The following STPG2 variants were observed in gnomAD, a reference collection of about 807,000 sequenced individuals.
STPG2 encodes the protein sperm-tail PG-rich repeat-containing protein 2.
In STPG2, 56 loss-of-function variants were observed where a neutral mutation model predicts 54.2. That is an observed-to-expected ratio of 1.03 (90% CI 0.83 to 1.29). The LOEUF is 1.29. Ranked by LOEUF, STPG2 falls within the 50% of genes most tolerant of loss-of-function variation. STPG2 has a pLI of 0.00. For synonymous variants in STPG2, 200 were observed against 181.8 expected (o/e 1.10, Z -0.81); for missense variants, 596 against 544.9 (o/e 1.09, Z -0.93).
intron 10 of STPG2, among the ~76,000 whole-genome samples, chr4:97,565,428 T>C (rs1732402690): frequency 6.6e-6 from 1 of 152,232 alleles, no homozygotes; most frequent in Non-Finnish European, 1.5e-5. Flanking sequence ...CCTTCTTCTC[T>C]CAACTCGTCA....
At chr4:97,497,822 C>G (rs1730642516) in intron 4 of STPG2, among the ~76,000 whole-genome samples, 1 of 151,722 alleles carries the variant, frequency 6.6e-6, no homozygotes, top group South Asian at 2.1e-4. Flanking sequence ...ATTTTTCATC[C>G]TTTTTGTATC....
intron 4 of STPG2, among the ~76,000 whole-genome samples, chr4:97,512,739 G>A (rs911123040): frequency 4.6e-5 from 7 of 152,008 alleles, no homozygotes; most frequent in African/African-American, 1.2e-4. Context: ...AGGGCTTAGC[G>A]TACACCAGAC....
At chr4:98,141,723 G>C (rs2110174337) in intron 1 of STPG2, among the ~76,000 whole-genome samples, 1 of 152,254 alleles carries the variant, frequency 6.6e-6, no homozygotes, top group South Asian at 2.1e-4. Context: ...TGAGGGCTGT[G>C]TCACAGGCCA....
chr4:98,143,387 A>ATTTTTTAAT lies in STPG2; in HGVS notation c.-238_-237insATTAAAAAA. 2.0e-6 allele frequency: 1 copy of ATTTTTTAAT among 504,702 alleles called. No homozygotes were observed. The highest frequency in any genetic ancestry group is 2.5e-5 in the South Asian group (1 of 40,564). 31.3% of individuals were successfully genotyped at this position (504,702 alleles called of 1,614,324 possible). A position where few individuals can be genotyped will look rare whatever the true frequency, so the allele number is the denominator to read the frequency against. ...GTAGAGGGGTGAGCGACTAGAGATT[A>ATTTTTTAAT]GACGTCCCACACAATCATCAGTTTG... On this transcript the variant is annotated 5_prime_UTR_variant, in exon 1 of 11. Coordinates refer to ENST00000295268, the MANE Select transcript of STPG2 (RefSeq NM_174952.3).
intron 5 of STPG2, among the ~76,000 whole-genome samples, chr4:98,014,888 C>T (rs968281303): frequency 1.3e-5 from 2 of 152,102 alleles, no homozygotes; most frequent in South Asian, 2.1e-4. Context: ...TAATATTCTT[C>T]GTTGACATTT....
intron 8 of STPG2, among the ~76,000 whole-genome samples, chr4:97,870,555 C>G (rs1386592767): frequency 2.6e-5 from 4 of 151,128 alleles, no homozygotes; most frequent in Non-Finnish European, 5.9e-5. Flanking sequence ...AATTACAATT[C>G]AATCCAAAAA....
At chr4:98,092,615 A>C (rs1738725188) in intron 5 of STPG2, among the ~76,000 whole-genome samples, 1 of 152,096 alleles carries the variant, frequency 6.6e-6, no homozygotes, top group African/African-American at 2.4e-5. Context: ...TCATGTCCTT[A>C]TTATTAACCT....
chr4:97,793,770 CT>C (rs1727082024), intron 9 of STPG2, among the ~76,000 whole-genome samples: 1 of 151,956 alleles, frequency 6.6e-6, no homozygotes, highest in African/African-American at 2.4e-5. Context: ...AATACAAACT[CT>C]ATTATGTGTG....
At chr4:98,140,425 C>T (rs563602036) in intron 1 of STPG2, among the ~76,000 whole-genome samples, 1 of 151,670 alleles carries the variant, frequency 6.6e-6, no homozygotes, top group Admixed American at 6.6e-5. Context: ...GGATTGAAGA[C>T]TGAAATAAGG....
intron 8 of STPG2, among the ~76,000 whole-genome samples, chr4:97,864,526 T>C (rs577361248): frequency 6.6e-6 from 1 of 152,258 alleles, no homozygotes; most frequent in Admixed American, 6.5e-5. Flanking sequence ...CAAGGTAATT[T>C]ATACATTCAA....
intron 5 of STPG2, among the ~76,000 whole-genome samples, chr4:98,076,649 C>T (rs1274162313): frequency 1.3e-5 from 2 of 152,110 alleles, no homozygotes; most frequent in African/African-American, 4.8e-5. Flanking sequence ...TCCTCATGTT[C>T]CCTGCTGACA....
intron 9 of STPG2, among the ~76,000 whole-genome samples, chr4:97,810,121 A>G (rs1357223534): frequency 1.3e-5 from 2 of 152,160 alleles, no homozygotes; most frequent in African/African-American, 4.8e-5. Flanking sequence ...TTAACAAAAA[A>G]TGTTCTTTTT....
chr4:98,033,604 G>A (rs1396482308), intron 5 of STPG2, among the ~76,000 whole-genome samples: 1 of 152,136 alleles, frequency 6.6e-6, no homozygotes, highest in Non-Finnish European at 1.5e-5. Flanking sequence ...CTCATTTTAT[G>A]AGGCCAGCAT....
chr4:97,626,654 G>T (rs2148929004), intron 10 of STPG2, among the ~76,000 whole-genome samples: 1 of 151,958 alleles, frequency 6.6e-6, no homozygotes, highest in African/African-American at 2.4e-5. Flanking sequence ...CAAATATATT[G>T]GATTTTTCCT....
At chr4:97,832,150 A>C (rs1490677264) in intron 9 of STPG2, among the ~76,000 whole-genome samples, 1 of 152,230 alleles carries the variant, frequency 6.6e-6, no homozygotes. Flanking sequence ...ATCCAGAAGC[A>C]CATCAAAAAG....
At chr4:97,816,508 G>A (rs1391736592) in intron 9 of STPG2, among the ~76,000 whole-genome samples, 2 of 152,174 alleles carry the variant, frequency 1.3e-5, no homozygotes, top group Admixed American at 6.5e-5. Context: ...CAGTGTAAAA[G>A]CATTCCTATT....
Position 97,778,750 on chromosome 4 carries a change from G to A in STPG2, c.1204+62023C>T, listed in dbSNP as rs187738122. Reference sequence around the variant, plus strand: ...AGACAAAGCTTCCAGAGGAACAATCGGGCAGCAACATTTGCTATTCAGCAA... The same window carrying A: ...AGACAAAGCTTCCAGAGGAACAATCAGGCAGCAACATTTGCTATTCAGCAA... On this transcript the variant is annotated intron_variant, in intron 9 of 10. Transcript: ENST00000295268. Among the ~76,000 whole-genome samples, 23 of 152,186 alleles carry A rather than the reference G, an allele frequency of 1.5e-4. No individual in the cohort carries two copies. The East Asian group carries it at 2.5e-3, about 17-fold the overall frequency.
At chr4:97,811,159 C>G (rs1360853664) in intron 9 of STPG2, among the ~76,000 whole-genome samples, 1 of 151,720 alleles carries the variant, frequency 6.6e-6, no homozygotes. Context: ...GTTTTTGCTG[C>G]CCCAAAAAGG....
At chr4:97,617,882 T>A (rs1733914104) in intron 10 of STPG2, among the ~76,000 whole-genome samples, 2 of 152,172 alleles carry the variant, frequency 1.3e-5, no homozygotes, top group African/African-American at 4.8e-5. Flanking sequence ...ATGATATACA[T>A]CATAGTCTTT....
Sources: gnomAD v4.1 joint callset for allele counts (sites outside exome capture counted in the v4.1 genomes callset) on GRCh38, gnomAD v4.1.1 for gene constraint, MANE v1.5 for transcripts, NCBI Gene and HGNC (gene_info 2026-07-23, HGNC 2026-07-21) for gene names.